Variants in PSD2 observed in about 807,000 individuals in gnomAD.
The protein encoded by PSD2 is pleckstrin and Sec7 domain containing 2, also known as PH and SEC7 domain-containing protein 2.
In PSD2, 38 loss-of-function variants were observed where a neutral mutation model predicts 69.8. The ratio of observed to expected loss-of-function variants is 0.54; its 90% confidence interval spans 0.42 to 0.71. The LOEUF (loss-of-function observed/expected upper bound fraction) is 0.71. Ranked by LOEUF, PSD2 falls within the 30% of genes least tolerant of loss-of-function variation. The pLI is 0.00. For synonymous variants in PSD2, 412 were observed against 423.0 expected, an observed-to-expected ratio of 0.97 and a Z score of 0.32; for missense variants, 943 against 1,014.5, an observed-to-expected ratio of 0.93 and a Z score of 0.96.
the PSD2 span, among the ~76,000 whole-genome samples, chr5:139,766,952 T>C: frequency 6.0e-5 from 8 of 132,852 alleles, no homozygotes; most frequent in African/African-American, 1.1e-4. Flanking sequence ...TTTCTTTCTT[T>C]CTTTCTTTCT....
chr5:139,818,092 A>G (rs1478280579), intron 5 of PSD2, among the ~76,000 whole-genome samples: 1 of 152,144 alleles, frequency 6.6e-6, no homozygotes, highest in Non-Finnish European at 1.5e-5. Context: ...GGATGGGTGC[A>G]GCCCTGTAGT....
At position 139,837,008 on chromosome 5, in the gene PSD2, G is replaced by C; in HGVS notation, c.1594+7G>C. The C allele has an allele frequency of 6.2e-7, 1 of 1,609,924 alleles. No homozygotes were observed. ...GACATGGATGGCAAGAGGAGTGGGT[G>C]TCAGGCTGGGAGAGGGGCATGGGAG... On this transcript the variant is annotated splice_region_variant and intron_variant, in intron 10 of 14. Transcript: ENST00000274710. The surrounding 1 kb of genome is among the most constrained non-coding windows in gnomAD (Gnocchi z 5.0).
At chr5:139,745,698 C>T in the PSD2 span, among the ~76,000 whole-genome samples, 1 of 152,244 alleles carries the variant, frequency 6.6e-6, no homozygotes, top group Admixed American at 6.5e-5. Flanking sequence ...CAGTGCCACT[C>T]CCTTCAGAGC....
intron 2 of PSD2, among the ~76,000 whole-genome samples, chr5:139,810,492 GT>G (rs1759929711): frequency 6.6e-6 from 1 of 152,206 alleles, no homozygotes; most frequent in Admixed American, 6.5e-5. Context: ...CAGTGTACGG[GT>G]AGTGTGTGAG....
chr5:139,834,645 C>T (rs1213474866), intron 8 of PSD2, among the ~76,000 whole-genome samples: 1 of 152,068 alleles, frequency 6.6e-6, no homozygotes, highest in African/African-American at 2.4e-5. Context: ...GATGATACTA[C>T]AGGCGTAGTT....
chr5:139,830,592 T>TTTTCCTTCTTTCTTTCTC (rs1760561305), intron 7 of PSD2, among the ~76,000 whole-genome samples: 1 of 85,978 alleles, frequency 1.2e-5, no homozygotes, highest in African/African-American at 5.3e-5. Context: ...CTTTCTTTCT[T>TTTTCCTTCTTTCTTTCTC]TTTCTTTCTT....
chr5:139,785,981 T>C, the PSD2 span, among the ~76,000 whole-genome samples: 1 of 151,824 alleles, frequency 6.6e-6, no homozygotes, highest in Non-Finnish European at 1.5e-5. Context: ...CCCAGCTACT[T>C]GAGAGGCTGA....
At chr5:139,833,839 A>T (rs370153854) in intron 8 of PSD2, 48 bp downstream of exon 8, 2 of 1,387,860 alleles carry the variant, frequency 1.4e-6, no homozygotes, top group Non-Finnish European at 2.1e-6. Flanking sequence ...CCCTGAATGG[A>T]TAGAGAGGAG....
the PSD2 span, among the ~76,000 whole-genome samples, chr5:139,788,760 T>C: frequency 6.6e-6 from 1 of 152,146 alleles, no homozygotes; most frequent in South Asian, 2.1e-4. Flanking sequence ...TCCCTGGCAC[T>C]CCTGTGGGGC....
rs201061729 is a variant in PSD2, at chr5:139,813,626, G to A, written c.689G>A (p.Arg230His). ...SPLRRSISSS[R>H]SENVLSRLSL... ...CTGCGGCGCTCCATCTCCAGCAGCC[G>A]CTCTGAGAATGTCCTGAGCCGCCTG... Residue 230 changes from arginine to histidine, a missense_variant, in exon 3 of 15, where the codon CGC becomes CAC. Arg to His is a conservative substitution (Grantham distance 29). Transcript: ENST00000274710. 107 of 1,613,744 alleles carry A rather than the reference G, an allele frequency of 6.6e-5. No homozygotes were observed. The highest frequency in any genetic ancestry group is 3.3e-4 in the Middle Eastern group (2 of 6,070).
At chr5:139,832,159 G>A (rs750025284) in intron 7 of PSD2, among the ~76,000 whole-genome samples, 46 of 152,278 alleles carry the variant, frequency 3.0e-4, no homozygotes, top group Middle Eastern at 3.4e-3. Context: ...AAATCTTGCC[G>A]TGTTATTTTT....
intron 7 of PSD2, 97 bp downstream of exon 7, chr5:139,822,881 G>C: frequency 8.9e-7 from 1 of 1,125,156 alleles, no homozygotes; most frequent in Non-Finnish European, 1.2e-6. Flanking sequence ...CTCAGTGGCC[G>C]GGCTTCTTTT....
chr5:139,836,229 C>T (rs180790295), intron 9 of PSD2, among the ~76,000 whole-genome samples: 109 of 152,338 alleles, frequency 7.2e-4, no homozygotes, highest in Non-Finnish European at 1.2e-3. Context: ...TAGGTCTCAT[C>T]AGGAAAGAGG....
intron 12 of PSD2, among the ~76,000 whole-genome samples, chr5:139,838,290 G>A (rs1039629495): frequency 6.6e-6 from 1 of 152,144 alleles, no homozygotes; most frequent in Non-Finnish European, 1.5e-5. Flanking sequence ...GAGGGCAGGA[G>A]GGCTGTGGGG....
At chr5:139,812,283 CG>C (rs1330290191) in intron 2 of PSD2, among the ~76,000 whole-genome samples, 1 of 151,788 alleles carries the variant, frequency 6.6e-6, no homozygotes, top group Non-Finnish European at 1.5e-5. Flanking sequence ...TGGTTTAGAT[CG>C]GGAGGTCGGG....
chr5:139,768,410 T>G, the PSD2 span, among the ~76,000 whole-genome samples: 1 of 152,158 alleles, frequency 6.6e-6, no homozygotes, highest in African/African-American at 2.4e-5. Context: ...TGTTTCCTCA[T>G]TTGTGTAACA....
Position 139,838,762 on chromosome 5 carries a change from G to T in PSD2, c.1958G>T (p.Arg653Leu), listed in dbSNP as rs747690422. 6.2e-7 allele frequency: 1 copy of T among 1,612,224 alleles called. No individual in the cohort carries two copies. The highest frequency in any genetic ancestry group is 8.5e-7 in the Non-Finnish European group (1 of 1,179,234). The change falls in exon 13 of 15, where the codon CGC (arginine) becomes CTC (leucine). Residue 653 changes from arginine (R) to leucine (L), a missense_variant. Physicochemically the swap from Arg to Leu is moderately radical, Grantham distance 102. Coordinates refer to ENST00000274710, the MANE Select transcript of PSD2 (RefSeq NM_032289.4). ...CRPLLPSCTT[R>L]LCQEEQLRSH... ...CCCCTGCTGCCCTCCTGCACCACCCGCCTCTGCCAGGTACATGTTCCTGGG... is the reference window on the plus strand; with the variant it reads ...CCCCTGCTGCCCTCCTGCACCACCCTCCTCTGCCAGGTACATGTTCCTGGG...
the PSD2 span, among the ~76,000 whole-genome samples, chr5:139,783,943 C>CTTTTTTTTT: frequency 5.2e-3 from 455 of 87,858 alleles, 20 homozygotes; most frequent in East Asian, 8.1e-3. Context: ...TCTGCTAGCT[C>CTTTTTTTTT]TTTTTTTTTT....
chr5:139,778,542 A>C, the PSD2 span, among the ~76,000 whole-genome samples: 40 of 152,342 alleles, frequency 2.6e-4, no homozygotes, highest in East Asian at 1.3e-3. Flanking sequence ...CATTTAAGTT[A>C]TTTACAACTT....
Sources: allele counts gnomAD v4.1 joint callset (sites outside exome capture counted in the v4.1 genomes callset), GRCh38; gene constraint gnomAD v4.1.1; non-coding constraint Gnocchi (gnomAD v3.1); transcripts MANE v1.5; gene names NCBI Gene and HGNC (gene_info 2026-07-23, HGNC 2026-07-21).